Variants in CSF1R observed in about 807,000 individuals in gnomAD.
CSF1R encodes macrophage colony-stimulating factor 1 receptor.
CSF1R carries 40 observed loss-of-function variants against 110.0 expected under a neutral mutation model. The ratio of observed to expected loss-of-function variants is 0.36; its 90% CI spans 0.28 to 0.47. CSF1R has a LOEUF of 0.47. Ranked by LOEUF, CSF1R falls within the 20% of genes least tolerant of loss-of-function variation. CSF1R has a pLI of 0.99. For missense variants in CSF1R, 1,052 were observed against 1,253.0 expected (o/e 0.84, Z 2.42); for synonymous variants, 523 against 503.4 (o/e 1.04, Z -0.52).
chr5:150,077,363 CT>C lies in CSF1R; in HGVS notation c.801del (p.Val268Ter). On this transcript the variant is annotated frameshift_variant, in exon 5 of 21. Coordinates refer to ENST00000675795, the MANE Select transcript of CSF1R (RefSeq NM_001288705.3). LOFTEE classifies it high-confidence loss of function. ...TAGTTGCCGGCATGTTGGAAATCTA[CT>C]TGATCGAGGTTGAGGGTCAGGACTT... ...YQKVLTLNLD[Q>X]VDFQHAGNYS... The C allele has an allele frequency of 6.2e-7, 1 of 1,614,188 alleles. No individual in the cohort carries two copies. The highest frequency in any genetic ancestry group is 8.5e-7 in the Non-Finnish European group (1 of 1,180,036).
intron 1 of CSF1R, among the ~76,000 whole-genome samples, chr5:150,104,759 G>C (rs1418148498): frequency 3.3e-5 from 5 of 152,194 alleles, no homozygotes; most frequent in Admixed American, 6.5e-5. Context: ...GATTTTAGAT[G>C]TATGAAGAGT....
At chr5:150,081,972 C>T (rs1170150818) in intron 1 of CSF1R, among the ~76,000 whole-genome samples, 1 of 152,226 alleles carries the variant, frequency 6.6e-6, no homozygotes, top group African/African-American at 2.4e-5. Context: ...GCCAGGCGCC[C>T]CCCAGCCTGT....
Position 150,085,277 on chromosome 5 carries a change from G to GAAAAAAAAAAAA in CSF1R, c.49+1090_49+1101dup, listed in dbSNP as rs70973563. Among the ~76,000 whole-genome samples, 187 of 92,420 alleles carry GAAAAAAAAAAAA rather than the reference G, an allele frequency of 2.0e-3. 6 individuals are homozygous for GAAAAAAAAAAAA. Among genetic ancestry groups the GAAAAAAAAAAAA allele is most frequent in the African/African-American group, 8.9e-3 (160 of 17,968 alleles). The allele number at this position is 92,420 out of a possible 152,430, so 60.6% of individuals were successfully genotyped here. A position where few individuals can be genotyped will look rare whatever the true frequency, so the allele number is the denominator to read the frequency against. ...GTGACAGAGAGAGACTCTGTCTCAG[G>GAAAAAAAAAAAA]AAAAAAAAAAAAAAAACCCAAATAC... On this transcript the variant is annotated intron_variant, in intron 1 of 20. Coordinates refer to ENST00000675795, the MANE Select transcript of CSF1R (RefSeq NM_001288705.3).
chr5:150,109,389 G>T (rs931110789), intron 1 of CSF1R, among the ~76,000 whole-genome samples: 1 of 152,210 alleles, frequency 6.6e-6, no homozygotes, highest in South Asian at 2.1e-4. Flanking sequence ...TGGGTTTCCC[G>T]ACGGGTGGGA....
chr5:150,069,726 A>T, intron 9 of CSF1R, 147 bp downstream of exon 9: 1 of 691,644 alleles, frequency 1.4e-6, no homozygotes. Context: ...ACTGGCCCAG[A>T]GAGGTGGACC....
Position 150,053,543 on chromosome 5 carries a change from A to G in CSF1R, c.*526T>C, listed in dbSNP as rs1174493303. The G allele has an allele frequency of 8.4e-6, 2 of 238,202 alleles. No homozygotes were observed. The highest frequency in any genetic ancestry group is 1.7e-5 in the Non-Finnish European group (2 of 121,168). The allele number at this position is 238,202 out of a possible 1,614,324, so 14.8% of individuals were successfully genotyped here. On this transcript the variant is annotated 3_prime_UTR_variant, in exon 21 of 21. Transcript: ENST00000675795. ...TGAGGCTGTGGAGTGAAGGCGGCGT[A>G]TAGGGCAGAGACTAAGAGGTCCTGT...
chr5:150,092,756 G>A (rs1759087799), intron 1 of CSF1R, among the ~76,000 whole-genome samples: 1 of 152,118 alleles, frequency 6.6e-6, no homozygotes, highest in South Asian at 2.1e-4. Flanking sequence ...TGACATGTGG[G>A]AATTATTACA....
chr5:150,074,941 T>C (rs1221539539), intron 5 of CSF1R, among the ~76,000 whole-genome samples: 1 of 152,176 alleles, frequency 6.6e-6, no homozygotes, highest in Non-Finnish European at 1.5e-5. Flanking sequence ...AGCAATTTCC[T>C]CTACCAGAAA....
chr5:150,110,679 A>C (rs1396946585), intron 1 of CSF1R, among the ~76,000 whole-genome samples: 3 of 152,238 alleles, frequency 2.0e-5, no homozygotes, highest in Non-Finnish European at 4.4e-5. Flanking sequence ...ATTAGTATGG[A>C]TATAAAGAAA....
rs149329680 is a variant in CSF1R, at chr5:150,111,795, GAAAAT to G, written c.-181+1461_-181+1465del. Reference sequence around the variant, plus strand: ...TGGTTTGAATGCAAATCAAAATTGTGAAAATAAAATAAAATTTCAGGAGCTCCCCA... The same window carrying G: ...TGGTTTGAATGCAAATCAAAATTGTGAAAATAAAATTTCAGGAGCTCCCCA... On this transcript the variant is annotated intron_variant, in intron 1 of 21. Coordinates refer to the CSF1R transcript ENST00000286301. Among the ~76,000 whole-genome samples, 1,135 of 152,246 alleles carry G rather than the reference GAAAAT, an allele frequency of 7.5e-3. 13 individuals are homozygous for G. Among genetic ancestry groups the G allele is most frequent in the African/African-American group, 0.026 (1,099 of 41,530 alleles).
intron 2 of CSF1R, 147 bp from the exon 3 acceptor site, chr5:150,080,483 G>C (rs761181580): frequency 5.1e-6 from 6 of 1,165,814 alleles, no homozygotes; most frequent in East Asian, 2.6e-5. Flanking sequence ...ATGCTTCAGC[G>C]TGGTGGCTCC....
upstream of CSF1R, among the ~76,000 whole-genome samples, chr5:150,091,533 T>C (rs1358493922): frequency 6.6e-6 from 1 of 152,190 alleles, no homozygotes; most frequent in Non-Finnish European, 1.5e-5. Context: ...TACGACTCCA[T>C]CTATATGAAA....
At chr5:150,099,196 C>T (rs1759322894) in intron 1 of CSF1R, among the ~76,000 whole-genome samples, 1 of 151,910 alleles carries the variant, frequency 6.6e-6, no homozygotes, top group Non-Finnish European at 1.5e-5. Flanking sequence ...GCGTGAGCCA[C>T]CGTGCCTGGC....
At chr5:150,076,168 A>G (rs1248817739) in intron 5 of CSF1R, among the ~76,000 whole-genome samples, 1 of 151,606 alleles carries the variant, frequency 6.6e-6, no homozygotes, top group Non-Finnish European at 1.5e-5. Context: ...TGCATCTCAG[A>G]CTCTTCCACA....
At chr5:150,077,521 TA>T in intron 4 of CSF1R, 86 bp from the exon 5 acceptor site, 1 of 1,408,894 alleles carries the variant, frequency 7.1e-7, no homozygotes, top group Non-Finnish European at 9.8e-7. Context: ...CTTTAAGGAT[TA>T]CTATCTGCCT....
At chr5:150,059,006 G>A (rs187140003) in intron 14 of CSF1R, among the ~76,000 whole-genome samples, 87 of 152,228 alleles carry the variant, frequency 5.7e-4, no homozygotes, top group Non-Finnish European at 9.8e-4. Context: ...GCTCTGTTCT[G>A]GATGGCTTCC....
At chr5:150,059,974 G>A (rs987924159) in intron 13 of CSF1R, 112 bp from the exon 14 acceptor site, 9 of 1,241,424 alleles carry the variant, frequency 7.2e-6, no homozygotes, top group Non-Finnish European at 9.9e-6. Context: ...GCATAGCTGA[G>A]TTCTAACCTC....
chr5:150,086,722 GAGCT>G (rs1298962820), upstream of CSF1R: 6 of 387,070 alleles, frequency 1.6e-5, no homozygotes, highest in South Asian at 1.0e-4. Flanking sequence ...AGCTTGGGGG[GAGCT>G]AGCTAAGTTT....
intron 9 of CSF1R, 96 bp from the exon 10 acceptor site, chr5:150,068,426 A>G (rs1581303842): frequency 2.6e-6 from 2 of 772,444 alleles, no homozygotes; most frequent in Non-Finnish European, 4.3e-6. Context: ...TGGGTGCTCA[A>G]TAAATGCTTG....
Sources: allele counts gnomAD v4.1 joint callset (sites outside exome capture counted in the v4.1 genomes callset), GRCh38; gene constraint gnomAD v4.1.1; transcripts MANE v1.5; gene names NCBI Gene and HGNC (gene_info 2026-07-23, HGNC 2026-07-21).